NLGN1: variants seen among roughly 807,000 people sequenced by gnomAD.
NLGN1 encodes the protein neuroligin-1.
Under a neutral mutation model 65.5 loss-of-function variants are expected in NLGN1, and 12 were observed. That is an observed-to-expected ratio of 0.18 (90% CI 0.12 to 0.30). NLGN1 has a LOEUF of 0.30. Ranked by LOEUF, NLGN1 falls within the 10% of genes least tolerant of loss-of-function variation. The pLI is 1.00. For synonymous variants in NLGN1, 350 were observed against 359.5 expected (o/e 0.97, Z 0.30); for missense variants, 750 against 1,007.1 (o/e 0.74, Z 3.46).
chr3:173,624,252 A>G (rs1443283289), intron 3 of NLGN1, among the ~76,000 whole-genome samples: 3 of 152,158 alleles, frequency 2.0e-5, no homozygotes, highest in Admixed American at 2.0e-4. Flanking sequence ...TCTTTCTAGG[A>G]ACAAAGGGAA....
At chr3:174,068,782 T>C (rs1203786980) in intron 4 of NLGN1, among the ~76,000 whole-genome samples, 1 of 152,172 alleles carries the variant, frequency 6.6e-6, no homozygotes, top group African/African-American at 2.4e-5. Flanking sequence ...TTTTAAACTT[T>C]TAATGAGATT....
intron 4 of NLGN1, among the ~76,000 whole-genome samples, chr3:174,099,470 A>G (rs1711896305): frequency 6.6e-6 from 1 of 152,198 alleles, no homozygotes; most frequent in Admixed American, 6.5e-5. Flanking sequence ...TCACTGCAAA[A>G]ATAGACTTAA....
intron 4 of NLGN1, among the ~76,000 whole-genome samples, chr3:173,923,389 C>T (rs1226865311): frequency 6.6e-6 from 1 of 152,048 alleles, no homozygotes; most frequent in Admixed American, 6.6e-5. Flanking sequence ...ATACATACCC[C>T]ACCCTAAAAT....
At chr3:174,017,675 A>G (rs1477583024) in intron 4 of NLGN1, among the ~76,000 whole-genome samples, 3 of 152,104 alleles carry the variant, frequency 2.0e-5, no homozygotes, top group African/African-American at 7.2e-5. Flanking sequence ...AGGTTCCGTG[A>G]TGCCCCCGTC....
chr3:173,506,451 T>G (rs1439711654), intron 2 of NLGN1, among the ~76,000 whole-genome samples: 1 of 152,100 alleles, frequency 6.6e-6, no homozygotes, highest in Admixed American at 6.6e-5. Context: ...TAATTATGAA[T>G]TTAGACAACA....
intron 4 of NLGN1, among the ~76,000 whole-genome samples, chr3:173,934,693 A>G (rs180901723): frequency 6.6e-5 from 10 of 152,110 alleles, no homozygotes; most frequent in African/African-American, 1.9e-4. Flanking sequence ...TTCTTTTATG[A>G]GTATTCTCAA....
intron 1 of NLGN1, among the ~76,000 whole-genome samples, chr3:173,411,408 G>A (rs1033916271): frequency 1.3e-5 from 2 of 152,088 alleles, no homozygotes; most frequent in East Asian, 1.9e-4. Flanking sequence ...TGGAGCCCTC[G>A]GTTGCCACTT....
At chr3:173,585,840 A>AT (rs1747346021) in intron 2 of NLGN1, among the ~76,000 whole-genome samples, 1 of 151,954 alleles carries the variant, frequency 6.6e-6, no homozygotes, top group African/African-American at 2.4e-5. Context: ...GAATTCAGGA[A>AT]TTTTTTTCTT....
intron 4 of NLGN1, among the ~76,000 whole-genome samples, chr3:174,059,252 T>C (rs1489509598): frequency 6.6e-6 from 1 of 152,088 alleles, no homozygotes; most frequent in Non-Finnish European, 1.5e-5. Flanking sequence ...GTTAATCTAG[T>C]GAACAGATTA....
chr3:174,146,829 A>G (rs1313051847), intron 4 of NLGN1, among the ~76,000 whole-genome samples: 2 of 152,150 alleles, frequency 1.3e-5, no homozygotes, highest in African/African-American at 4.8e-5. Context: ...CTGCCTGCCA[A>G]AGTGCTGGGA....
At chr3:173,826,213 C>T (rs1240221842) in intron 4 of NLGN1, among the ~76,000 whole-genome samples, 6 of 152,042 alleles carry the variant, frequency 3.9e-5, no homozygotes, top group Admixed American at 3.9e-4. Context: ...ATAGAAAACT[C>T]TTGATCAACT....
intron 4 of NLGN1, among the ~76,000 whole-genome samples, chr3:173,973,476 G>A (rs1292898755): frequency 6.6e-6 from 1 of 151,972 alleles, no homozygotes; most frequent in East Asian, 1.9e-4. Context: ...GGAAATCCAT[G>A]TTGAATTAGT....
At chr3:174,100,261 A>C (rs1329858400) in intron 4 of NLGN1, among the ~76,000 whole-genome samples, 1 of 150,410 alleles carries the variant, frequency 6.6e-6, no homozygotes, top group Non-Finnish European at 1.5e-5. Flanking sequence ...TGCATGTATC[A>C]ATAAATACCT....
chr3:174,127,246 G>C (rs1209414814), intron 4 of NLGN1, among the ~76,000 whole-genome samples: 3 of 152,064 alleles, frequency 2.0e-5, no homozygotes, highest in Admixed American at 6.6e-5. Flanking sequence ...AAGTAATGTA[G>C]ATATTTAGAA....
intron 4 of NLGN1, among the ~76,000 whole-genome samples, chr3:173,952,821 A>G (rs1012193367): frequency 6.8e-6 from 1 of 147,010 alleles, no homozygotes; most frequent in Non-Finnish European, 1.5e-5. Flanking sequence ...CTTGTCACCC[A>G]GGGTGGAGTG....
intron 4 of NLGN1, among the ~76,000 whole-genome samples, chr3:173,889,977 G>A (rs115874675): frequency 0.011 from 1,725 of 151,536 alleles, 26 homozygotes; most frequent in African/African-American, 0.039. Flanking sequence ...TCTCTTTTGT[G>A]TATGTATGAG....
intron 4 of NLGN1, among the ~76,000 whole-genome samples, chr3:174,060,264 C>T (rs1737104560): frequency 2.0e-5 from 3 of 152,058 alleles, no homozygotes; most frequent in African/African-American, 7.2e-5. Context: ...TAAGCCTGAA[C>T]AGACTGCTCC....
intron 4 of NLGN1, among the ~76,000 whole-genome samples, chr3:174,249,850 G>C (rs1744463560): frequency 6.6e-6 from 1 of 152,114 alleles, no homozygotes; most frequent in South Asian, 2.1e-4. Context: ...TTATAAGAAG[G>C]AGGCTGCTGT....
intron 4 of NLGN1, among the ~76,000 whole-genome samples, chr3:174,042,834 CT>C (rs1318880109): frequency 2.0e-5 from 3 of 152,148 alleles, no homozygotes; most frequent in African/African-American, 7.2e-5. Flanking sequence ...GACCTGAGGC[CT>C]GTCTGAATCC....
Sources: allele counts gnomAD v4.1 joint callset (sites outside exome capture counted in the v4.1 genomes callset), GRCh38; gene constraint gnomAD v4.1.1; transcripts MANE v1.5; gene names NCBI Gene and HGNC (gene_info 2026-07-23, HGNC 2026-07-21).